Variants in NDUFAB1 observed in about 807,000 individuals in gnomAD.
The protein encoded by NDUFAB1 is NADH:ubiquinone oxidoreductase subunit AB1.
In NDUFAB1, 5 loss-of-function variants were observed where a neutral mutation model predicts 16.1. That is an observed-to-expected ratio of 0.31 (90% CI 0.16 to 0.65). NDUFAB1 has a LOEUF of 0.65. Among genes scored for constraint, NDUFAB1 ranks in the 30% least tolerant of loss-of-function variants. The pLI is 0.77. For missense variants in NDUFAB1, 187 were observed against 205.3 expected (o/e 0.91, Z 0.54); for synonymous variants, 85 against 78.4 (o/e 1.08, Z -0.44).
chr16:23,595,184 G>A (rs1228079513), intron 1 of NDUFAB1, among the ~76,000 whole-genome samples: 2 of 152,032 alleles, frequency 1.3e-5, no homozygotes, highest in East Asian at 1.9e-4. Flanking sequence ...CCTGAGAGGC[G>A]GAGGTTGCCG....
intron 1 of NDUFAB1, chr16:23,591,233 T>C (rs527573484): frequency 9.6e-6 from 1 of 103,726 alleles, no homozygotes; most frequent in African/African-American, 3.7e-5. Flanking sequence ...CTGGTGTTAG[T>C]TGTTCTTCCC....
intron 1 of NDUFAB1, among the ~76,000 whole-genome samples, chr16:23,590,234 A>G (rs989777249): frequency 1.3e-5 from 2 of 152,226 alleles, no homozygotes. Flanking sequence ...ACTGGAGGCC[A>G]CATGCCAATC....
intron 3 of NDUFAB1, among the ~76,000 whole-genome samples, chr16:23,584,981 G>A (rs961054249): frequency 4.6e-5 from 7 of 152,318 alleles, no homozygotes; most frequent in South Asian, 2.1e-4. Flanking sequence ...CGCGTTACCC[G>A]AGCTCAGGAG....
intron 1 of NDUFAB1, among the ~76,000 whole-genome samples, chr16:23,589,223 GA>G (rs940148837): frequency 2.0e-5 from 3 of 150,888 alleles, no homozygotes; most frequent in African/African-American, 7.3e-5. Flanking sequence ...TTGAACTTGG[GA>G]GTCGGAGGTT....
At chr16:23,582,766 CTCTCCCTCTCCCCAAGG>C (rs1966192246) in intron 3 of NDUFAB1, among the ~76,000 whole-genome samples, 2 of 150,582 alleles carry the variant, frequency 1.3e-5, no homozygotes, top group Non-Finnish European at 1.5e-5. Flanking sequence ...CTCCCTCTCC[CTCTCCCTCTCCCCAAGG>C]TCTCCCTCTC....
At chr16:23,595,492 G>T in intron 1 of NDUFAB1, 2 of 441,334 alleles carry the variant, frequency 4.5e-6, no homozygotes. Flanking sequence ...TACGCGGGGC[G>T]GCACATCCCG....
intron 3 of NDUFAB1, among the ~76,000 whole-genome samples, chr16:23,583,486 G>A (rs1966201157): frequency 1.3e-5 from 2 of 149,906 alleles, no homozygotes; most frequent in South Asian, 4.2e-4. Context: ...TGAGATGTGG[G>A]GAGCGCCTCT....
At chr16:23,585,566 G>T (rs1413019672) in intron 2 of NDUFAB1, 143 bp from the exon 3 acceptor site, 1 of 621,130 alleles carries the variant, frequency 1.6e-6, no homozygotes, top group Non-Finnish European at 2.9e-6. Context: ...CAACGTGCAG[G>T]TTTGTTACAT....
At chr16:23,583,254 G>A (rs548734073) in intron 3 of NDUFAB1, among the ~76,000 whole-genome samples, 3 of 152,246 alleles carry the variant, frequency 2.0e-5, no homozygotes, top group Non-Finnish European at 2.9e-5. Context: ...TGGGATGTGA[G>A]GAGCCCCTCT....
chr16:23,589,942 G>GAAAAAAAAAAA (rs57098255), intron 1 of NDUFAB1, among the ~76,000 whole-genome samples: 1 of 70,506 alleles, frequency 1.4e-5, no homozygotes, highest in African/African-American at 4.5e-5. Flanking sequence ...TCTCCAAAAA[G>GAAAAAAAAAAA]AAAAAAAAAA....
Position 23,583,254 on chromosome 16 carries a change from G to C in NDUFAB1, c.380-879C>G, listed in dbSNP as rs548734073. ...TGGCCGCCCATCGTCTGGGATGTGA[G>C]GAGCCCCTCTGCCCGGCTGCCCAGT... On this transcript the variant is annotated intron_variant, in intron 3 of 4. Transcript: ENST00000007516. 2.6e-5 allele frequency among the ~76,000 whole-genome samples: 4 copies of C among 152,364 alleles called. No individual in the cohort carries two copies. In the East Asian group the frequency reaches 5.8e-4, roughly 22 times the overall value.
rs563011842 is a variant in NDUFAB1, at chr16:23,582,165, T to G, written c.*8+111A>C. The G allele has an allele frequency of 3.9e-6, 5 of 1,265,962 alleles. No individual in the cohort carries two copies. In the African/African-American group the frequency reaches 4.7e-5, roughly 12 times the overall value. The allele number at this position is 1,265,962 out of a possible 1,614,324, so 78.4% of individuals were successfully genotyped here. On this transcript the variant is annotated intron_variant, in intron 4 of 4. Transcript: ENST00000007516. ...CAGGAAAGGGCTTGCATTTTATAAG[T>G]AGTGAAAAATCTTGGTCAAGCATTT... is the stretch of plus-strand genomic sequence containing the variant.
intron 1 of NDUFAB1, among the ~76,000 whole-genome samples, chr16:23,587,613 A>G (rs777266267): frequency 6.6e-6 from 1 of 152,230 alleles, no homozygotes; most frequent in Non-Finnish European, 1.5e-5. Flanking sequence ...ACTAACTGCC[A>G]CTAAAATTGT....
At chr16:23,582,180 G>A in intron 4 of NDUFAB1, 96 bp downstream of exon 4, 19 of 1,326,274 alleles carry the variant, frequency 1.4e-5, no homozygotes, top group Non-Finnish European at 1.8e-5. Flanking sequence ...AAAAATCTTG[G>A]TCAAGCATTT....
intron 3 of NDUFAB1, 71 bp from the exon 4 acceptor site, chr16:23,582,446 C>A: frequency 7.0e-7 from 1 of 1,435,138 alleles, no homozygotes; most frequent in Non-Finnish European, 9.1e-7. Context: ...ACACACCTGA[C>A]CCTTCTACAA....
At chr16:23,595,323 C>T (rs539359816) in intron 1 of NDUFAB1, 2 of 298,942 alleles carry the variant, frequency 6.7e-6, no homozygotes, top group Admixed American at 4.5e-5. Context: ...CAGCCTCACG[C>T]AGATTTCATC....
intron 1 of NDUFAB1, chr16:23,595,514 C>A (rs763439415): frequency 3.7e-4 from 169 of 452,294 alleles, no homozygotes; most frequent in Non-Finnish European, 5.9e-4. Flanking sequence ...AAATACTGGT[C>A]GCGTTTGGTT....
At chr16:23,583,679 A>G (rs1299671107) in intron 3 of NDUFAB1, among the ~76,000 whole-genome samples, 3,382 of 129,962 alleles carry the variant, frequency 0.026, 507 homozygotes, top group African/African-American at 0.059. Context: ...CTGAGAAGTG[A>G]GGAGCCCCTC....
chr16:23,593,058 G>C (rs1005443801), intron 1 of NDUFAB1, among the ~76,000 whole-genome samples: 1 of 152,224 alleles, frequency 6.6e-6, no homozygotes, highest in African/African-American at 2.4e-5. Flanking sequence ...CACTTGGGAG[G>C]CTGAGGCAGG....
Sources: allele counts gnomAD v4.1 joint callset (sites outside exome capture counted in the v4.1 genomes callset), GRCh38; gene constraint gnomAD v4.1.1; transcripts MANE v1.5; gene names NCBI Gene and HGNC (gene_info 2026-07-23, HGNC 2026-07-21).